Variants in CBLB observed in about 807,000 individuals in gnomAD.
CBLB encodes Cbl proto-oncogene B.
Under a neutral mutation model 104.9 loss-of-function variants are expected in CBLB, and 31 were observed. The observed-to-expected ratio is 0.30, with a 90% confidence interval of 0.22 to 0.40. CBLB has a LOEUF of 0.40. Ranked by LOEUF, CBLB falls within the 10% of genes least tolerant of loss-of-function variation. The pLI is 1.00. For synonymous variants in CBLB, 440 were observed against 422.6 expected (o/e 1.04, Z -0.51); for missense variants, 1,062 against 1,214.6 (o/e 0.87, Z 1.87).
chr3:105,767,395 C>G (rs942383472), intron 4 of CBLB, among the ~76,000 whole-genome samples: 1 of 151,798 alleles, frequency 6.6e-6, no homozygotes, highest in African/African-American at 2.4e-5. Context: ...TACGGGAAAC[C>G]AAAGAAGGCC....
intron 3 of CBLB, among the ~76,000 whole-genome samples, chr3:105,812,487 T>C (rs1328166192): frequency 6.6e-6 from 1 of 152,278 alleles, no homozygotes; most frequent in East Asian, 1.9e-4. Flanking sequence ...GGAACATCTT[T>C]TCTGAGGAAG....
At chr3:105,770,252 T>C (rs2078709038) in intron 4 of CBLB, among the ~76,000 whole-genome samples, 2 of 152,236 alleles carry the variant, frequency 1.3e-5, no homozygotes, top group East Asian at 1.9e-4. Flanking sequence ...TGGGAGGCTA[T>C]AGCCTACTAC....
chr3:105,684,691 T>C (rs1232798005), intron 14 of CBLB, among the ~76,000 whole-genome samples: 1 of 152,072 alleles, frequency 6.6e-6, no homozygotes, highest in East Asian at 1.9e-4. Flanking sequence ...TAGCTGGGAT[T>C]ACAGGCGCCC....
intron 7 of CBLB, among the ~76,000 whole-genome samples, chr3:105,740,065 T>C (rs1056028083): frequency 1.4e-4 from 22 of 151,880 alleles, no homozygotes; most frequent in Admixed American, 2.6e-4. Flanking sequence ...ATTGTGCCAC[T>C]GCACTCCAGC....
At chr3:105,758,186 G>T (rs2077253786) in intron 4 of CBLB, among the ~76,000 whole-genome samples, 1 of 152,084 alleles carries the variant, frequency 6.6e-6, no homozygotes, top group East Asian at 1.9e-4. Flanking sequence ...TAAGGGAAAA[G>T]CAATTGTTTT....
intron 3 of CBLB, among the ~76,000 whole-genome samples, chr3:105,831,598 T>C (rs1159800101): frequency 2.0e-5 from 3 of 152,240 alleles, no homozygotes; most frequent in African/African-American, 4.8e-5. Flanking sequence ...ACTTCAATTA[T>C]ACTTTGAAAG....
chr3:105,807,952 C>T (rs575096659), intron 3 of CBLB, among the ~76,000 whole-genome samples: 75 of 152,302 alleles, frequency 4.9e-4, no homozygotes, highest in African/African-American at 1.7e-3. Flanking sequence ...TCAGTCATTA[C>T]ACTATCATTG....
In CBLB at chr3:105,751,576, C is replaced by A; in HGVS notation, c.609G>T (p.Glu203Asp). The stretch of plus-strand genomic sequence containing the variant: ...CCAGGCCAGAGCTAATCTGGTGGAC[C>A]TCATGAAGGCACTGTCTGAATACTT... ...PWKVFRQCLH[E>D]VHQISSGLEA... The change falls in exon 5 of 19, where the codon GAG becomes GAT. Residue 203 changes from glutamate to aspartate, a missense_variant. This residue lies in a region of CBLB where 457 missense variants were observed against 632.0 expected (regional missense o/e 0.72). Transcript: ENST00000394030. 6.2e-7 allele frequency: 1 copy of A among 1,612,928 alleles called. No homozygotes were observed. The highest frequency in any genetic ancestry group is 8.5e-7 in the Non-Finnish European group (1 of 1,179,054).
chr3:105,825,119 C>T (rs2153066218), intron 3 of CBLB, among the ~76,000 whole-genome samples: 1 of 152,264 alleles, frequency 6.6e-6, no homozygotes, highest in South Asian at 2.1e-4. Flanking sequence ...ATGAGGACTG[C>T]ATCTAGGTTA....
intron 4 of CBLB, among the ~76,000 whole-genome samples, chr3:105,754,074 C>T (rs1027321284): frequency 1.3e-5 from 2 of 151,794 alleles, no homozygotes; most frequent in African/African-American, 4.8e-5. Context: ...TGAGTGTTTG[C>T]GCAACAGATA....
chr3:105,754,527 G>GAGAGAGAGAAAGAC (rs1560096824), intron 4 of CBLB, among the ~76,000 whole-genome samples: 2 of 23,398 alleles, frequency 8.5e-5, no homozygotes, highest in African/African-American at 2.2e-4. Flanking sequence ...GAGAGACAGA[G>GAGAGAGAGAAAGAC]AGAGAGAGAG....
intron 18 of CBLB, among the ~76,000 whole-genome samples, chr3:105,668,470 T>A (rs1452191826): frequency 6.6e-6 from 1 of 152,180 alleles, no homozygotes; most frequent in African/African-American, 2.4e-5. Context: ...TATGTTATTT[T>A]AAATCAGTCA....
chr3:105,665,547 AATTTAT>A (rs1267285465), intron 18 of CBLB, among the ~76,000 whole-genome samples: 74 of 146,804 alleles, frequency 5.0e-4, no homozygotes, highest in African/African-American at 1.8e-3. Flanking sequence ...AGTAAAAATA[AATTTAT>A]ATTTATATCT....
intron 3 of CBLB, among the ~76,000 whole-genome samples, chr3:105,810,468 A>C (rs1260392987): frequency 6.6e-6 from 1 of 152,154 alleles, no homozygotes; most frequent in African/African-American, 2.4e-5. Flanking sequence ...ATTTTAGTGA[A>C]ATTACAAAAA....
intron 13 of CBLB, 89 bp from the exon 14 acceptor site, chr3:105,685,555 C>G: frequency 1.0e-6 from 1 of 1,002,292 alleles, no homozygotes; most frequent in Non-Finnish European, 1.5e-6. Flanking sequence ...AAAGAAGCTA[C>G]TTTATCACTT....
intron 8 of CBLB, among the ~76,000 whole-genome samples, chr3:105,736,131 G>C (rs2074911325): frequency 6.6e-6 from 1 of 151,950 alleles, no homozygotes; most frequent in South Asian, 2.1e-4. Flanking sequence ...TTTTCCCTTA[G>C]ATTTTTATTA....
intron 3 of CBLB, among the ~76,000 whole-genome samples, chr3:105,785,620 T>C (rs1560231222): frequency 6.6e-6 from 1 of 152,184 alleles, no homozygotes; most frequent in Non-Finnish European, 1.5e-5. Context: ...CTGGAAATTT[T>C]CCTTATTGAT....
intron 3 of CBLB, among the ~76,000 whole-genome samples, chr3:105,828,024 G>A (rs1056947157): frequency 5.3e-5 from 8 of 152,112 alleles, no homozygotes; most frequent in South Asian, 2.1e-4. Context: ...TTTCCTTCTC[G>A]CCTAAGCAAA....
At chr3:105,709,918 T>A (rs1233655782) in intron 10 of CBLB, among the ~76,000 whole-genome samples, 2 of 151,964 alleles carry the variant, frequency 1.3e-5, no homozygotes, top group African/African-American at 4.8e-5. Flanking sequence ...TTTGCTTTGA[T>A]GCTTGATTGT....
Sources: gnomAD v4.1 joint callset for allele counts (sites outside exome capture counted in the v4.1 genomes callset) on GRCh38, gnomAD v4.1.1 for gene constraint, gnomAD v4.1.1 regional missense constraint, MANE v1.5 for transcripts, NCBI Gene and HGNC (gene_info 2026-07-23, HGNC 2026-07-21) for gene names.